Variants in LPGAT1 observed in about 807,000 individuals in gnomAD.
LPGAT1 encodes the protein acyl-CoA:lysophosphatidylglycerol acyltransferase 1.
In LPGAT1, 11 loss-of-function variants were observed where a neutral mutation model predicts 47.5. That is an observed-to-expected ratio of 0.23 (90% CI 0.15 to 0.38). The LOEUF (loss-of-function observed/expected upper bound fraction) is 0.38, where lower values mean the gene tolerates loss of function less well. Ranked by LOEUF, LPGAT1 falls within the 10% of genes least tolerant of loss-of-function variation. LPGAT1 has a pLI of 1.00. For synonymous variants in LPGAT1, 138 were observed against 144.2 expected (o/e 0.96, Z 0.31); for missense variants, 293 against 439.0 (o/e 0.67, Z 2.97).
chr1:211,754,005 T>C (rs1207496280), intron 6 of LPGAT1, among the ~76,000 whole-genome samples: 1 of 152,226 alleles, frequency 6.6e-6, no homozygotes, highest in Non-Finnish European at 1.5e-5. Flanking sequence ...GCCCGATTGC[T>C]AGCTTTCCGG....
At chr1:211,753,442 T>C (rs893816639) in intron 6 of LPGAT1, among the ~76,000 whole-genome samples, 4 of 152,158 alleles carry the variant, frequency 2.6e-5, no homozygotes, top group Non-Finnish European at 5.9e-5. Flanking sequence ...GAGTTTTTAT[T>C]TCCTTTATTG....
intron 2 of LPGAT1, among the ~76,000 whole-genome samples, chr1:211,812,564 C>T (rs1660024692): frequency 6.6e-6 from 1 of 152,146 alleles, no homozygotes; most frequent in Non-Finnish European, 1.5e-5. Flanking sequence ...GAAAAATGCA[C>T]CCCTCCACAA....
chr1:211,758,225 C>T (rs1257211936), intron 6 of LPGAT1, among the ~76,000 whole-genome samples: 1 of 152,144 alleles, frequency 6.6e-6, no homozygotes, highest in African/African-American at 2.4e-5. Context: ...TATGAAATAG[C>T]CATTTACATA....
At chr1:211,829,667 A>G (rs928014694) in intron 1 of LPGAT1, 3 of 1,070,812 alleles carry the variant, frequency 2.8e-6, no homozygotes, top group African/African-American at 3.3e-5. Flanking sequence ...CTCGCTTCAG[A>G]CAACCTCAGG....
intron 2 of LPGAT1, among the ~76,000 whole-genome samples, chr1:211,796,696 C>T (rs761635128): frequency 2.6e-5 from 4 of 152,058 alleles, no homozygotes; most frequent in Non-Finnish European, 5.9e-5. Context: ...TCTATTTTCC[C>T]CAAAATTATA....
At chr1:211,804,392 A>C (rs918047858) in intron 2 of LPGAT1, among the ~76,000 whole-genome samples, 2 of 152,140 alleles carry the variant, frequency 1.3e-5, no homozygotes, top group African/African-American at 4.8e-5. Flanking sequence ...GTTTCTAAAA[A>C]GATAAGGCTT....
chr1:211,766,248 C>T (rs965735533), intron 6 of LPGAT1, among the ~76,000 whole-genome samples: 6 of 152,116 alleles, frequency 3.9e-5, no homozygotes, highest in African/African-American at 7.2e-5. Context: ...TGGACCGGAA[C>T]GACACCACTG....
intron 6 of LPGAT1, among the ~76,000 whole-genome samples, chr1:211,776,674 T>C (rs1558263362): frequency 6.6e-6 from 1 of 151,652 alleles, no homozygotes. Context: ...CCTTTCTACA[T>C]CATGTGAAAC....
chr1:211,773,935 CTAGT>C (rs1036487040), intron 6 of LPGAT1, among the ~76,000 whole-genome samples: 2 of 151,904 alleles, frequency 1.3e-5, no homozygotes, highest in East Asian at 3.9e-4. Context: ...AAATATTTAC[CTAGT>C]TAAACAATAA....
chr1:211,752,445 T>C (rs993137228), intron 6 of LPGAT1, among the ~76,000 whole-genome samples: 2 of 151,642 alleles, frequency 1.3e-5, no homozygotes, highest in Non-Finnish European at 1.5e-5. Flanking sequence ...CTGCTTCTTA[T>C]AGATTAATTC....
intron 6 of LPGAT1, among the ~76,000 whole-genome samples, chr1:211,768,592 G>A (rs1246872536): frequency 6.6e-6 from 1 of 152,124 alleles, no homozygotes. Context: ...ATTTTAAGAT[G>A]TCTCCCAATT....
chr1:211,786,469 T>C (rs1366890880), intron 4 of LPGAT1, among the ~76,000 whole-genome samples: 1 of 152,238 alleles, frequency 6.6e-6, no homozygotes, highest in Non-Finnish European at 1.5e-5. Flanking sequence ...TAAAAGCTCG[T>C]ACATACCATA....
At chr1:211,824,661 A>G (rs1235926516) in intron 2 of LPGAT1, among the ~76,000 whole-genome samples, 2 of 152,208 alleles carry the variant, frequency 1.3e-5, no homozygotes, top group Non-Finnish European at 1.5e-5. Context: ...TACATTCTGA[A>G]GCACCACTCA....
intron 6 of LPGAT1, among the ~76,000 whole-genome samples, chr1:211,778,391 C>A (rs183555880): frequency 6.6e-6 from 1 of 150,886 alleles, no homozygotes; most frequent in Admixed American, 6.6e-5. Context: ...CATGAATAAT[C>A]CACCCATTAT....
At chr1:211,822,324 T>C (rs1454858719) in intron 2 of LPGAT1, among the ~76,000 whole-genome samples, 5 of 152,212 alleles carry the variant, frequency 3.3e-5, no homozygotes, top group Non-Finnish European at 7.3e-5. Context: ...ACATCAAATT[T>C]GTAGTACCAC....
intron 7 of LPGAT1, 66 bp downstream of exon 7, chr1:211,750,895 T>C: frequency 8.3e-7 from 1 of 1,210,456 alleles, no homozygotes; most frequent in Non-Finnish European, 1.2e-6. Context: ...TGCAAACAGC[T>C]TTCTTTAAAA....
chr1:211,797,403 C>A (rs1385151660), intron 2 of LPGAT1, among the ~76,000 whole-genome samples: 2 of 150,126 alleles, frequency 1.3e-5, no homozygotes, highest in Non-Finnish European at 3.0e-5. Flanking sequence ...CATGCATGAG[C>A]CACCACACCC....
At chr1:211,806,513 A>G (rs937234447) in intron 2 of LPGAT1, among the ~76,000 whole-genome samples, 18 of 152,096 alleles carry the variant, frequency 1.2e-4, no homozygotes, top group Non-Finnish European at 2.2e-4. Context: ...GACACTGAGG[A>G]CTCCAAAAAG....
chr1:211,762,703 G>A (rs1222382313), intron 6 of LPGAT1, among the ~76,000 whole-genome samples: 1 of 152,074 alleles, frequency 6.6e-6, no homozygotes, highest in African/African-American at 2.4e-5. Context: ...CTTATTATCA[G>A]TAATTCAGAA....
Sources: allele counts gnomAD v4.1 joint callset (sites outside exome capture counted in the v4.1 genomes callset), GRCh38; gene constraint gnomAD v4.1.1; transcripts MANE v1.5; gene names NCBI Gene and HGNC (gene_info 2026-07-23, HGNC 2026-07-21).